Variants in DLG2 observed in about 807,000 individuals in gnomAD.
DLG2 encodes the protein discs large MAGUK scaffold protein 2.
In DLG2, 45 loss-of-function variants were observed where a neutral mutation model predicts 132.5. The ratio of observed to expected loss-of-function variants is 0.34; its 90% confidence interval spans 0.27 to 0.44. The LOEUF (loss-of-function observed/expected upper bound fraction) is 0.44, where lower values mean the gene tolerates loss of function less well. DLG2 is among the 20% of genes least tolerant of loss of function. The pLI is 1.00. For missense variants in DLG2, 1,045 were observed against 1,196.9 expected (o/e 0.87, Z 1.87); for synonymous variants, 424 against 419.6 (o/e 1.01, Z -0.13).
Position 83,514,157 on chromosome 11 carries a change from G to A in DLG2, c.2193+18551C>T, listed in dbSNP as rs189633457. Among the ~76,000 whole-genome samples, 403 of 152,146 alleles carry A rather than the reference G, an allele frequency of 2.6e-3. 5 individuals carry two copies. Among genetic ancestry groups the A allele is most frequent in the African/African-American group, 8.4e-3 (350 of 41,514 alleles). On this transcript the variant is annotated intron_variant, in intron 21 of 27. Coordinates refer to ENST00000376104, the MANE Select transcript of DLG2 (RefSeq NM_001142699.3). Reference sequence around the variant, plus strand: ...TTCATGATATTGATTCTTCCTACCCGTGAGCATGGAATGTTCTTCCATTTG... The same window carrying A: ...TTCATGATATTGATTCTTCCTACCCATGAGCATGGAATGTTCTTCCATTTG...
intron 6 of DLG2, among the ~76,000 whole-genome samples, chr11:84,886,107 G>A (rs2088250435): frequency 6.6e-6 from 1 of 151,998 alleles, no homozygotes; most frequent in Non-Finnish European, 1.5e-5. Context: ...AAGAAGGGGA[G>A]GCAACAGCTT....
At chr11:84,983,440 G>GA (rs2056050739) in intron 6 of DLG2, among the ~76,000 whole-genome samples, 1 of 152,152 alleles carries the variant, frequency 6.6e-6, no homozygotes. Flanking sequence ...GGAAAAGGGG[G>GA]AGAGTACTAA....
chr11:85,191,575 A>G (rs1447932256), intron 4 of DLG2, among the ~76,000 whole-genome samples: 2 of 152,216 alleles, frequency 1.3e-5, no homozygotes, highest in African/African-American at 4.8e-5. Flanking sequence ...TTTTCAGGGT[A>G]TGGCAATGGC....
intron 7 of DLG2, among the ~76,000 whole-genome samples, chr11:84,483,619 A>G (rs1291471086): frequency 6.6e-6 from 1 of 152,150 alleles, no homozygotes; most frequent in African/African-American, 2.4e-5. Context: ...CTTAATTGAA[A>G]TAAGGTATCG....
intron 7 of DLG2, among the ~76,000 whole-genome samples, chr11:84,352,022 A>G (rs1436577533): frequency 2.6e-5 from 4 of 152,212 alleles, no homozygotes; most frequent in Non-Finnish European, 4.4e-5. Context: ...CCTAAACCAC[A>G]TGATATTTTC....
At chr11:83,712,434 G>T (rs1362233918) in intron 18 of DLG2, among the ~76,000 whole-genome samples, 2 of 152,042 alleles carry the variant, frequency 1.3e-5, no homozygotes, top group Non-Finnish European at 2.9e-5. Flanking sequence ...TTTGAGACCA[G>T]CCTAACCAAC....
chr11:84,244,251 T>C (rs1435059958), intron 8 of DLG2, among the ~76,000 whole-genome samples: 1 of 152,026 alleles, frequency 6.6e-6, no homozygotes, highest in African/African-American at 2.4e-5. Flanking sequence ...TGGCACAATC[T>C]CAGCTCATTG....
chr11:85,217,534 T>A (rs2082702903), intron 4 of DLG2, among the ~76,000 whole-genome samples: 1 of 152,182 alleles, frequency 6.6e-6, no homozygotes, highest in Non-Finnish European at 1.5e-5. Context: ...CTTTGGAAAT[T>A]CCAGGCAATT....
intron 7 of DLG2, among the ~76,000 whole-genome samples, chr11:84,353,361 C>T (rs1254157056): frequency 6.6e-6 from 1 of 152,112 alleles, no homozygotes; most frequent in Non-Finnish European, 1.5e-5. Flanking sequence ...GCAGTGTTCC[C>T]TCCCTTGGTG....
chr11:85,292,355 G>A (rs1413679510), intron 3 of DLG2, among the ~76,000 whole-genome samples: 1 of 151,906 alleles, frequency 6.6e-6, no homozygotes, highest in Non-Finnish European at 1.5e-5. Flanking sequence ...TTGAATGTGA[G>A]GAAGGGACTG....
At chr11:84,207,639 T>C (rs1467575996) in intron 8 of DLG2, among the ~76,000 whole-genome samples, 2 of 152,190 alleles carry the variant, frequency 1.3e-5, no homozygotes, top group Non-Finnish European at 2.9e-5. Flanking sequence ...ACAAGTATTT[T>C]GTGATGGATT....
At chr11:83,473,260 C>T (rs1458623816) in intron 22 of DLG2, among the ~76,000 whole-genome samples, 4 of 152,106 alleles carry the variant, frequency 2.6e-5, no homozygotes, top group Non-Finnish European at 5.9e-5. Context: ...CATCAGGACA[C>T]TCAGGGTTTT....
At chr11:85,510,082 C>G (rs2094024687) in intron 3 of DLG2, 1 of 146,102 alleles carries the variant, frequency 6.8e-6, no homozygotes, top group Non-Finnish European at 1.5e-5. Context: ...TTTGTGAAAG[C>G]TGAAAGAAAA....
intron 3 of DLG2, among the ~76,000 whole-genome samples, chr11:85,317,415 C>T (rs549071987): frequency 1.2e-3 from 179 of 151,808 alleles, no homozygotes; most frequent in African/African-American, 4.2e-3. Flanking sequence ...GCTCCAAAAA[C>T]ATTAATTTGC....
intron 4 of DLG2, among the ~76,000 whole-genome samples, chr11:85,233,149 T>C (rs1477329239): frequency 6.6e-6 from 1 of 151,964 alleles, no homozygotes; most frequent in African/African-American, 2.4e-5. Context: ...GGAATTCCTT[T>C]TGTTCTGACA....
At chr11:83,674,403 C>T (rs777072395) in intron 18 of DLG2, among the ~76,000 whole-genome samples, 2 of 152,120 alleles carry the variant, frequency 1.3e-5, no homozygotes, top group Non-Finnish European at 2.9e-5. Flanking sequence ...GAAATTCATC[C>T]AAGGAACAGT....
intron 7 of DLG2, among the ~76,000 whole-genome samples, chr11:84,372,362 C>A (rs2098709984): frequency 6.6e-6 from 1 of 152,080 alleles, no homozygotes; most frequent in South Asian, 2.1e-4. Flanking sequence ...AATTGGACCT[C>A]CTGAAAAGGC....
intron 7 of DLG2, among the ~76,000 whole-genome samples, chr11:84,308,555 C>G (rs1258174390): frequency 2.0e-5 from 3 of 152,248 alleles, no homozygotes; most frequent in Non-Finnish European, 4.4e-5. Context: ...CGCCCGCACT[C>G]CTCAGCCCTT....
rs138222389 is a variant in DLG2 at position 84,567,632 on chromosome 11, C to T, written c.358-32901G>A. Among the ~76,000 whole-genome samples, 380 of 152,276 alleles carry T rather than the reference C, an allele frequency of 2.5e-3. 2 individuals carry two copies. Among genetic ancestry groups the T allele is most frequent in the African/African-American group, 8.9e-3 (371 of 41,560 alleles). ...GCATATCTGCCATACTGTTAAAGTA[C>T]AAACTCTTTGAAAGTAGCGGCTGTT... On this transcript the variant is annotated intron_variant, in intron 6 of 27. Transcript: ENST00000376104.
Sources: gnomAD v4.1 joint callset for allele counts (sites outside exome capture counted in the v4.1 genomes callset) on GRCh38, gnomAD v4.1.1 for gene constraint, MANE v1.5 for transcripts, NCBI Gene and HGNC (gene_info 2026-07-23, HGNC 2026-07-21) for gene names.